TPM1: variants seen among roughly 807,000 people sequenced by gnomAD.
TPM1 encodes the protein tropomyosin 1.
In TPM1, 24 loss-of-function variants were observed where a neutral mutation model predicts 42.9. The ratio of observed to expected loss-of-function variants is 0.56; its 90% CI spans 0.41 to 0.79. The LOEUF (loss-of-function observed/expected upper bound fraction) is 0.79. Ranked by LOEUF, TPM1 falls within the 30% of genes least tolerant of loss-of-function variation. The pLI is 0.00. For synonymous variants in TPM1, 136 were observed against 130.1 expected, an observed-to-expected ratio of 1.05 and a Z score of -0.31; for missense variants, 158 against 351.8, an observed-to-expected ratio of 0.45 and a Z score of 4.41.
chr15:63,063,684 A>C (rs1161937463), intron 8 of TPM1: 3 of 215,356 alleles, frequency 1.4e-5, no homozygotes, highest in East Asian at 2.4e-4. Flanking sequence ...TGACTACTCC[A>C]GTGTAATTAA....
intron 3 of TPM1, among the ~76,000 whole-genome samples, chr15:63,057,753 A>G (rs4450350): frequency 0.67 from 101,255 of 152,148 alleles, 34,185 homozygotes; most frequent in East Asian, 0.95. Flanking sequence ...AAAGGAAAGC[A>G]TGGTTCGTAT....
intron 9 of TPM1, chr15:63,064,481 G>A: frequency 2.7e-6 from 3 of 1,109,184 alleles, no homozygotes; most frequent in South Asian, 5.7e-5. Context: ...TGTTGTACAG[G>A]AACTTCTCAA....
downstream of TPM1, among the ~76,000 whole-genome samples, chr15:63,068,572 C>A (rs142287645): frequency 2.3e-4 from 35 of 152,136 alleles, no homozygotes; most frequent in Admixed American, 7.9e-4. Flanking sequence ...GTTAGCTTTT[C>A]AAGATCATGA....
intron 2 of TPM1, chr15:63,048,163 G>A: frequency 2.2e-6 from 1 of 446,874 alleles, no homozygotes; most frequent in East Asian, 8.1e-5. Context: ...GCCCTTAGCA[G>A]CCAGCTCCGT....
chr15:63,043,538 C>A, intron 1 of TPM1: 1 of 1,117,878 alleles, frequency 8.9e-7, no homozygotes, highest in Non-Finnish European at 1.3e-6. Flanking sequence ...GGGTGAGCCG[C>A]GGAGCGGTTC....
intron 2 of TPM1, chr15:63,046,229 G>C (rs1176869866): frequency 6.6e-6 from 1 of 152,212 alleles, no homozygotes; most frequent in Non-Finnish European, 1.5e-5. Flanking sequence ...GTAATCTTAT[G>C]AGGCTACTCT....
chr15:63,066,027 C>T lies in TPM1; in HGVS notation c.*128C>T, dbSNP rs540306699. The T allele has an allele frequency of 7.9e-4, 1,228 of 1,549,802 alleles. 1 individual carries two copies. Among genetic ancestry groups the T allele is most frequent in the Non-Finnish European group, 1.0e-3 (1,162 of 1,148,520 alleles). ...CTTAGCATCCTGCCTTAGAGCCAGG[C>T]ACACACTGTGCTTTCTATTGTACAG... On this transcript the variant is annotated 3_prime_UTR_variant, in exon 10 of 10. Transcript: ENST00000403994.
chr15:63,048,906 T>G, intron 2 of TPM1: 2 of 710,736 alleles, frequency 2.8e-6, no homozygotes, highest in Non-Finnish European at 4.8e-6. Flanking sequence ...TTGTTTTCCA[T>G]CTCGCTGATC....
intron 2 of TPM1, 27 bp from the exon 3 acceptor site, chr15:63,056,958 C>CTT (rs1233483425): frequency 6.2e-7 from 1 of 1,614,008 alleles, no homozygotes; most frequent in Non-Finnish European, 8.5e-7. Flanking sequence ...CTCCCCAACT[C>CTT]TGAAATGCTT....
Position 63,056,897 on chromosome 15 carries a change from G to A in TPM1, c.241-88G>A, listed in dbSNP as rs4775613. The A allele has an allele frequency of 0.56, 877,164 of 1,580,308 alleles. 246,113 individuals are homozygous for A. Among genetic ancestry groups the A allele is most frequent in the Non-Finnish European group, 0.57 (660,411 of 1,151,058 alleles). ...TCACCACAAGACAGTCTTCCTATCT[G>A]AAATCAGCATTGCAGTCCCAGCCAT... On this transcript the variant is annotated intron_variant, in intron 2 of 9. Coordinates refer to ENST00000403994, the MANE Select transcript of TPM1 (RefSeq NM_001018005.2).
chr15:63,051,517 G>A (rs949939899), intron 2 of TPM1, among the ~76,000 whole-genome samples: 1 of 151,874 alleles, frequency 6.6e-6, no homozygotes, highest in Non-Finnish European at 1.5e-5. Flanking sequence ...CCATGGGAGT[G>A]CCCCTTAATG....
At chr15:63,053,062 C>G (rs1051599361) in intron 2 of TPM1, among the ~76,000 whole-genome samples, 1 of 152,176 alleles carries the variant, frequency 6.6e-6, no homozygotes, top group African/African-American at 2.4e-5. Flanking sequence ...GCCCCTCTGC[C>G]TGTCCTGCTC....
chr15:63,065,157 G>C (rs2036141762), intron 9 of TPM1: 2 of 985,380 alleles, frequency 2.0e-6, no homozygotes, highest in Non-Finnish European at 2.4e-6. Context: ...TTTACTGTTA[G>C]GCAGTAAGAG....
rs777635889 is a variant in TPM1, at chr15:63,064,129, G to A, written c.838G>A (p.Asp280Asn). 13 of 1,613,786 alleles carry A rather than the reference G, an allele frequency of 8.1e-6. No homozygotes were observed. The highest frequency in any genetic ancestry group is 2.2e-5 in the East Asian group (1 of 44,892). Residue 280 changes from aspartate (D) to asparagine (N), a missense_variant, in exon 9 of 10, where the codon GAT becomes AAT. Physicochemically the swap from Asp to Asn is conservative, Grantham distance 23 (BLOSUM62 1). Coordinates refer to ENST00000403994, the MANE Select transcript of TPM1 (RefSeq NM_001018005.2). ...CGAGGAGCTGGACCACGCTCTCAACGATATGACTTCCATGTAAACGTTCAT... is the reference window on the plus strand; with the variant it reads ...CGAGGAGCTGGACCACGCTCTCAACAATATGACTTCCATGTAAACGTTCAT... ...ISEELDHALNDMTSI is the reference protein window; with the variant it reads ...ISEELDHALNNMTSI
At chr15:63,064,794 T>G in intron 9 of TPM1, 2 of 605,466 alleles carry the variant, frequency 3.3e-6, no homozygotes, top group Non-Finnish European at 4.1e-6. Flanking sequence ...TGAAACCCTG[T>G]CTCTACTAAA....
rs1566967158 is a variant in TPM1, at chr15:63,062,324, T to C, written c.702+47T>C. The C allele has an allele frequency of 2.5e-6, 4 of 1,574,304 alleles. No individual in the cohort carries two copies. In the South Asian group the frequency reaches 4.4e-5, roughly 17 times the overall value. Reference sequence around the variant, plus strand: ...AAGCCAACTGGATTTTAAATGAGTTTGTTTTCATGGAACCGGTCAGGGCCT... The same window carrying C: ...AAGCCAACTGGATTTTAAATGAGTTCGTTTTCATGGAACCGGTCAGGGCCT... On this transcript the variant is annotated intron_variant, in intron 7 of 9. Coordinates refer to ENST00000403994, the MANE Select transcript of TPM1 (RefSeq NM_001018005.2).
chr15:63,047,041 C>T (rs1178554472), intron 2 of TPM1: 1 of 152,326 alleles, frequency 6.6e-6, no homozygotes, highest in South Asian at 2.1e-4. Context: ...CCAGCAGTTT[C>T]CTGGCTGCTC....
At position 63,061,592 on chromosome 15, in the gene TPM1, A is replaced by G. The variant is rs995220813; in HGVS notation, c.564-121A>G. 269 of 954,398 alleles carry G rather than the reference A, an allele frequency of 2.8e-4. 1 individual carries two copies. Among genetic ancestry groups the G allele is most frequent in the Middle Eastern group, 1.9e-3 (9 of 4,788 alleles). The allele number at this position is 954,398 out of a possible 1,614,324, so 59.1% of individuals were successfully genotyped here. A position where few individuals can be genotyped will look rare whatever the true frequency, so the allele number is the denominator to read the frequency against. On this transcript the variant is annotated intron_variant, in intron 5 of 9. Coordinates refer to ENST00000403994, the MANE Select transcript of TPM1 (RefSeq NM_001018005.2). ...CATTTTAATACCTGATGATTTGGCT[A>G]CTTTAAGGCAGCCCTTCGTCTCTAG... is the stretch of plus-strand genomic sequence containing the variant.
chr15:63,043,781 C>G, intron 1 of TPM1: 3 of 1,549,924 alleles, frequency 1.9e-6, no homozygotes, highest in Non-Finnish European at 2.6e-6. Context: ...GCTGGAGGAG[C>G]TGCACAAGGC....
Sources: gnomAD v4.1 joint callset for allele counts (sites outside exome capture counted in the v4.1 genomes callset) on GRCh38, gnomAD v4.1.1 for gene constraint, MANE v1.5 for transcripts, NCBI Gene and HGNC (gene_info 2026-07-23, HGNC 2026-07-21) for gene names.